The following CCDC13 variants were observed in gnomAD, a reference collection of about 807,000 sequenced individuals.
The protein encoded by CCDC13 is coiled-coil domain containing 13.
In CCDC13, 70 loss-of-function variants were observed where a neutral mutation model predicts 87.3. That is an observed-to-expected ratio of 0.80 (90% CI 0.66 to 0.98). The LOEUF is 0.98. Among genes scored for constraint, CCDC13 ranks in the 50% least tolerant of loss-of-function variants. The pLI, the probability that CCDC13 is intolerant of heterozygous loss-of-function variation, is 0.00. For synonymous variants in CCDC13, 317 were observed against 360.3 expected, an observed-to-expected ratio of 0.88 and a Z score of 1.36; for missense variants, 842 against 892.0, an observed-to-expected ratio of 0.94 and a Z score of 0.71.
At chr3:42,746,184 C>G (rs1326291334) in intron 6 of CCDC13, 157 bp from the exon 7 acceptor site, 1 of 614,078 alleles carries the variant, frequency 1.6e-6, no homozygotes, top group African/African-American at 1.8e-5. Flanking sequence ...TTTCCATGTC[C>G]CAAGGGCAGC....
At chr3:42,751,570 C>T (rs1699579398) in intron 5 of CCDC13, among the ~76,000 whole-genome samples, 1 of 152,216 alleles carries the variant, frequency 6.6e-6, no homozygotes, top group Non-Finnish European at 1.5e-5. Flanking sequence ...AGTGAGGATG[C>T]TGTACAGGAG....
At chr3:42,711,244 T>C (rs1238698100) in intron 14 of CCDC13, among the ~76,000 whole-genome samples, 8 of 39,382 alleles carry the variant, frequency 2.0e-4, no homozygotes, top group Admixed American at 1.4e-3. Context: ...AGACTCTGTC[T>C]CCAAAAAAAA....
rs551965057 is a variant in CCDC13, at chr3:42,742,134, T to C, written c.987+762A>G. Reference sequence around the variant, plus strand: ...GGAGGCTAACTCATCCCCTCAAACCTTGGGGCAGGTGTCTGAAGCTTGACC... The same window carrying C: ...GGAGGCTAACTCATCCCCTCAAACCCTGGGGCAGGTGTCTGAAGCTTGACC... On this transcript the variant is annotated intron_variant, in intron 8 of 15. Coordinates refer to ENST00000310232, the MANE Select transcript of CCDC13 (RefSeq NM_144719.4). Among the ~76,000 whole-genome samples, 30 of 152,332 alleles carry C rather than the reference T, an allele frequency of 2.0e-4. No homozygotes were observed. The South Asian group carries it at 6.2e-3, about 32-fold the overall frequency.
At chr3:42,772,298 T>TAATAATA (rs1343388058) in intron 1 of CCDC13, among the ~76,000 whole-genome samples, 2 of 132,244 alleles carry the variant, frequency 1.5e-5, no homozygotes, top group African/African-American at 2.8e-5. Flanking sequence ...AAAGTAATAA[T>TAATAATA]AAAAAAAATA....
chr3:42,751,718 C>G (rs1481204153), intron 5 of CCDC13, among the ~76,000 whole-genome samples: 2 of 152,390 alleles, frequency 1.3e-5, no homozygotes, highest in Non-Finnish European at 2.9e-5. Context: ...TCCATAGCTT[C>G]CGACACGACA....
chr3:42,745,758 T>G, intron 7 of CCDC13, 165 bp downstream of exon 7: 1 of 519,190 alleles, frequency 1.9e-6, no homozygotes, highest in Non-Finnish European at 3.5e-6. Context: ...AAAATCAGGC[T>G]GGTTGGCGAG....
At chr3:42,737,565 TCCAGCACCTG>T (rs1699070516) in intron 9 of CCDC13, among the ~76,000 whole-genome samples, 1 of 152,232 alleles carries the variant, frequency 6.6e-6, no homozygotes. Flanking sequence ...CCACATCCTC[TCCAGCACCTG>T]TTGTTTCCTG....
intron 1 of CCDC13, chr3:42,770,792 C>G (rs565139608): frequency 1.3e-5 from 2 of 153,154 alleles, no homozygotes; most frequent in Admixed American, 1.3e-4. Context: ...CAACTCCAGA[C>G]GCACCACCCT....
At chr3:42,735,545 T>C (rs1305906613) in intron 10 of CCDC13, among the ~76,000 whole-genome samples, 162 bp downstream of exon 10, 5 of 152,136 alleles carry the variant, frequency 3.3e-5, no homozygotes, top group Admixed American at 2.0e-4. Flanking sequence ...ATCAGGTTTG[T>C]GTGCAGAATG....
intron 1 of CCDC13, among the ~76,000 whole-genome samples, chr3:42,759,134 A>C (rs146855130): frequency 2.5e-4 from 38 of 152,292 alleles, no homozygotes; most frequent in African/African-American, 8.9e-4. Flanking sequence ...CAGCCTGTAT[A>C]ACATGGCAAA....
At chr3:42,768,256 T>A (rs377198729) in intron 1 of CCDC13, among the ~76,000 whole-genome samples, 3 of 152,146 alleles carry the variant, frequency 2.0e-5, no homozygotes, top group Admixed American at 1.3e-4. Context: ...TTCTAGAAGG[T>A]AATACAGGAG....
intron 13 of CCDC13, among the ~76,000 whole-genome samples, chr3:42,728,956 C>A (rs1698754829): frequency 6.6e-6 from 1 of 152,100 alleles, no homozygotes; most frequent in Admixed American, 6.5e-5. Flanking sequence ...TGTGGAGAGG[C>A]CCTGAAAATG....
intron 2 of CCDC13, 116 bp from the exon 3 acceptor site, chr3:42,757,330 G>A (rs1356952217): frequency 6.4e-6 from 6 of 938,728 alleles, no homozygotes; most frequent in Non-Finnish European, 9.5e-6. Context: ...ACACTGACGT[G>A]AAAGAAGAAA....
At chr3:42,761,693 A>G (rs1408501744) in intron 1 of CCDC13, among the ~76,000 whole-genome samples, 1 of 152,204 alleles carries the variant, frequency 6.6e-6, no homozygotes, top group African/African-American at 2.4e-5. Flanking sequence ...GCTTCAGCAG[A>G]TGCCCCTTAG....
intron 13 of CCDC13, among the ~76,000 whole-genome samples, chr3:42,724,362 A>G (rs1206352042): frequency 6.6e-6 from 1 of 152,184 alleles, no homozygotes; most frequent in African/African-American, 2.4e-5. Context: ...ATCTATCAGC[A>G]GGCTCTACAA....
chr3:42,767,935 T>C (rs564585564), intron 1 of CCDC13, among the ~76,000 whole-genome samples: 108 of 151,338 alleles, frequency 7.1e-4, no homozygotes, highest in Non-Finnish European at 1.3e-3. Flanking sequence ...GATCGTGACA[T>C]TGCACTCCAG....
Position 42,730,486 on chromosome 3 carries a change from C to G in CCDC13, c.1699G>C (p.Val567Leu). 6.2e-7 allele frequency: 1 copy of G among 1,614,038 alleles called. No homozygotes were observed. The change falls in exon 13 of 16, where the codon GTC (valine) becomes CTC (leucine). Residue 567 changes from valine (V) to leucine (L), a missense_variant. Transcript: ENST00000310232. ...TGTTACCGTTTCTGCAGGACAGTGACAAACTCGGTGAGCCGGTCACGCTCC... is the reference window on the plus strand; with the variant it reads ...TGTTACCGTTTCTGCAGGACAGTGAGAAACTCGGTGAGCCGGTCACGCTCC... The part of the protein sequence containing the change: ...EVERDRLTEF[V>L]TVLQKRVEES...
Position 42,733,598 on chromosome 3 carries a change from A to G in CCDC13, c.1383T>C (p.Asn461=), listed in dbSNP as rs1337662430. 41 of 1,607,534 alleles carry G rather than the reference A, an allele frequency of 2.6e-5. No homozygotes were observed. Among genetic ancestry groups the G allele is most frequent in the Non-Finnish European group, 3.2e-5 (38 of 1,176,842 alleles). The change falls in exon 11 of 16, where the codon AAT becomes AAC. Residue 461 remains asparagine, a synonymous_variant. Coordinates refer to ENST00000310232, the MANE Select transcript of CCDC13 (RefSeq NM_144719.4). ...CACTGGACCCCTCACCCACTCCTTTATTCCGAAGATACTGTAGGAACAGAT... is the reference window on the plus strand; with the variant it reads ...CACTGGACCCCTCACCCACTCCTTTGTTCCGAAGATACTGTAGGAACAGAT... ...IGQLNVHYLR[N]KGVGEGSSGR... is the part of the protein sequence containing the mutation.
chr3:42,747,515 CT>C (rs1416524279), intron 5 of CCDC13, 142 bp from the exon 6 acceptor site: 1 of 658,436 alleles, frequency 1.5e-6, no homozygotes, highest in Non-Finnish European at 2.7e-6. Context: ...TCATAAACCC[CT>C]GTGAGGTAGG....
Sources: gnomAD v4.1 joint callset for allele counts (sites outside exome capture counted in the v4.1 genomes callset) on GRCh38, gnomAD v4.1.1 for gene constraint, MANE v1.5 for transcripts, NCBI Gene and HGNC (gene_info 2026-07-23, HGNC 2026-07-21) for gene names.